ZMIZ1: variants seen among roughly 807,000 people sequenced by gnomAD.
ZMIZ1 encodes zinc finger MIZ-type containing 1.
ZMIZ1 carries 17 observed loss-of-function variants against 113.9 expected under a neutral mutation model. The observed-to-expected ratio is 0.15, with a 90% confidence interval of 0.10 to 0.22. The LOEUF (loss-of-function observed/expected upper bound fraction) is 0.22. Among genes scored for constraint, ZMIZ1 ranks in the 10% least tolerant of loss-of-function variants. The pLI is 1.00. For missense variants in ZMIZ1, 1,059 were observed against 1,477.8 expected (o/e 0.72, Z 4.65); for synonymous variants, 607 against 603.1 (o/e 1.01, Z -0.09).
rs75326734 is a variant in ZMIZ1 at position 79,220,585 on chromosome 10, G to A, written c.280+4311G>A. 7.6e-3 allele frequency among the ~76,000 whole-genome samples: 1,157 copies of A among 152,266 alleles called. 12 individuals are homozygous for A. Among genetic ancestry groups the A allele is most frequent in the African/African-American group, 0.026 (1,083 of 41,524 alleles). On this transcript the variant is annotated intron_variant, in intron 7 of 24. Coordinates refer to ENST00000334512, the MANE Select transcript of ZMIZ1 (RefSeq NM_020338.4). ...TCCTGCCTTTCCACACTTGTCTGACGTGCCTGTGCAGTTCTGCCCTCCCAG... is the reference window on the plus strand; with the variant it reads ...TCCTGCCTTTCCACACTTGTCTGACATGCCTGTGCAGTTCTGCCCTCCCAG...
intron 3 of ZMIZ1, among the ~76,000 whole-genome samples, chr10:79,141,595 A>G (rs924079186): frequency 6.6e-6 from 1 of 152,062 alleles, no homozygotes; most frequent in Admixed American, 6.5e-5. Context: ...TTTAGTAGAG[A>G]TGGGGTTTTC....
intron 3 of ZMIZ1, among the ~76,000 whole-genome samples, chr10:79,141,840 G>A (rs1009406381): frequency 1.3e-5 from 2 of 152,220 alleles, no homozygotes; most frequent in Admixed American, 6.5e-5. Flanking sequence ...GATAGGGGGC[G>A]AAGTCAGAGA....
intron 1 of ZMIZ1, among the ~76,000 whole-genome samples, chr10:79,117,882 C>T (rs1173877410): frequency 6.6e-6 from 1 of 152,196 alleles, no homozygotes; most frequent in Non-Finnish European, 1.5e-5. Flanking sequence ...AGGCTGATCC[C>T]TCTTTTCTGA....
chr10:79,273,604 C>T (rs1057440330), intron 7 of ZMIZ1, among the ~76,000 whole-genome samples: 6 of 152,312 alleles, frequency 3.9e-5, no homozygotes, highest in South Asian at 2.1e-4. Context: ...GTGATCTGCC[C>T]GCCTCAGCCT....
intron 1 of ZMIZ1, among the ~76,000 whole-genome samples, chr10:79,075,303 G>A (rs981005085): frequency 1.3e-5 from 2 of 152,208 alleles, no homozygotes; most frequent in African/African-American, 4.8e-5. Context: ...GCCCACAGAG[G>A]GACAGAGACT....
intron 4 of ZMIZ1, among the ~76,000 whole-genome samples, chr10:79,177,667 G>A (rs984449507): frequency 2.0e-5 from 3 of 152,252 alleles, no homozygotes; most frequent in African/African-American, 4.8e-5. Context: ...CCTAAGCACA[G>A]ATGCTGCCTA....
intron 1 of ZMIZ1, among the ~76,000 whole-genome samples, chr10:79,113,324 C>T (rs1843827981): frequency 6.6e-6 from 1 of 152,216 alleles, no homozygotes; most frequent in African/African-American, 2.4e-5. Flanking sequence ...CTGCAGCCTC[C>T]ATGGTCTGCG....
intron 22 of ZMIZ1, 112 bp from the exon 23 acceptor site, chr10:79,307,293 C>A (rs1337791459): frequency 1.2e-4 from 134 of 1,112,400 alleles, no homozygotes; most frequent in Non-Finnish European, 1.7e-4. Flanking sequence ...CCTACTACAG[C>A]CTCGCAAGAG....
intron 4 of ZMIZ1, among the ~76,000 whole-genome samples, chr10:79,168,344 C>G (rs1262775979): frequency 6.6e-6 from 1 of 152,214 alleles, no homozygotes; most frequent in East Asian, 1.9e-4. Context: ...GCCCCCCTTT[C>G]TTTCCCCAGC....
chr10:79,114,494 C>T lies in ZMIZ1; in HGVS notation c.-336-4421C>T, dbSNP rs11497814. 3.7e-3 allele frequency among the ~76,000 whole-genome samples: 419 copies of T among 114,362 alleles called. 3 individuals carry two copies. Among genetic ancestry groups the T allele is most frequent in the Middle Eastern group, 0.017 (4 of 234 alleles). The allele number at this position is 114,362 out of a possible 152,430, so 75.0% of individuals were successfully genotyped here. On this transcript the variant is annotated intron_variant, in intron 1 of 24. Transcript: ENST00000334512. Reference sequence around the variant, plus strand: ...GTGTGTGTCTGTGTGTGTGTGTGTGCGTGTGTGTGTGCGTGTGTGTGTGTG... The same window carrying T: ...GTGTGTGTCTGTGTGTGTGTGTGTGTGTGTGTGTGTGCGTGTGTGTGTGTG...
intron 1 of ZMIZ1, among the ~76,000 whole-genome samples, chr10:79,075,259 T>A (rs1477776970): frequency 1.3e-5 from 2 of 152,108 alleles, no homozygotes; most frequent in African/African-American, 4.8e-5. Flanking sequence ...ATCACCCAGC[T>A]CAAACCCTTC....
intron 3 of ZMIZ1, among the ~76,000 whole-genome samples, chr10:79,143,396 G>A (rs908232402): frequency 6.6e-6 from 1 of 151,992 alleles, no homozygotes; most frequent in Non-Finnish European, 1.5e-5. Context: ...GTTTGACCCC[G>A]GGCCCACTCA....
intron 21 of ZMIZ1, 45 bp from the exon 22 acceptor site, chr10:79,306,055 G>A: frequency 6.3e-7 from 1 of 1,589,420 alleles, no homozygotes; most frequent in African/African-American, 1.3e-5. Context: ...TATGCCCAAA[G>A]CCAGGCACCC....
chr10:79,175,454 G>T (rs113296576), intron 4 of ZMIZ1, among the ~76,000 whole-genome samples: 1 of 152,096 alleles, frequency 6.6e-6, no homozygotes, highest in Non-Finnish European at 1.5e-5. Context: ...GTCCTGCCCC[G>T]ATCAGCTGGG....
At chr10:79,220,779 T>C (rs1273249050) in intron 7 of ZMIZ1, among the ~76,000 whole-genome samples, 1 of 152,070 alleles carries the variant, frequency 6.6e-6, no homozygotes, top group Non-Finnish European at 1.5e-5. Context: ...TGTGAGGCTG[T>C]GTATGTTTGT....
chr10:79,189,379 G>T (rs749633418), intron 4 of ZMIZ1, among the ~76,000 whole-genome samples: 12 of 152,196 alleles, frequency 7.9e-5, no homozygotes, highest in Non-Finnish European at 1.5e-4. Context: ...TTCTGCCTCT[G>T]ATGGAGCCGA....
chr10:79,305,673 G>A (rs1854636522), intron 21 of ZMIZ1, 72 bp downstream of exon 21: 4 of 1,496,984 alleles, frequency 2.7e-6, no homozygotes, highest in South Asian at 2.3e-5. Context: ...GTGAGCAGGT[G>A]GATAGCCCTG....
chr10:79,276,200 A>G, intron 7 of ZMIZ1, among the ~76,000 whole-genome samples: 1 of 152,182 alleles, frequency 6.6e-6, no homozygotes, highest in Non-Finnish European at 1.5e-5. Context: ...ACTGAGGCCC[A>G]GAGAGTCTGT....
At chr10:79,240,203 C>T (rs1417086823) in intron 7 of ZMIZ1, among the ~76,000 whole-genome samples, 1 of 152,270 alleles carries the variant, frequency 6.6e-6, no homozygotes, top group Non-Finnish European at 1.5e-5. Flanking sequence ...TTTCTTCTCT[C>T]TCCCAAGTCA....
Sources: allele counts gnomAD v4.1 joint callset (sites outside exome capture counted in the v4.1 genomes callset), GRCh38; gene constraint gnomAD v4.1.1; transcripts MANE v1.5; gene names NCBI Gene and HGNC (gene_info 2026-07-23, HGNC 2026-07-21).